Variants in AXDND1 observed in about 807,000 individuals in gnomAD.
The protein encoded by AXDND1 is axonemal dynein light chain domain containing 1.
A neutral mutation model predicts 137.5 loss-of-function variants in AXDND1; 110 were observed. That is an observed-to-expected ratio of 0.80 (90% confidence interval 0.69 to 0.94). The LOEUF is 0.94. Among genes scored for constraint, AXDND1 ranks in the 40% least tolerant of loss-of-function variants. The pLI is 0.00. For synonymous variants in AXDND1, 414 were observed against 399.7 expected (o/e 1.04, Z -0.43); for missense variants, 1,191 against 1,169.8 (o/e 1.02, Z -0.26).
chr1:179,478,901 A>T (rs1664966741), intron 17 of AXDND1, among the ~76,000 whole-genome samples: 1 of 149,806 alleles, frequency 6.7e-6, no homozygotes, highest in African/African-American at 2.5e-5. Context: ...GGAGCTCGAG[A>T]CCAGCTCTGG....
intron 6 of AXDND1, 118 bp downstream of exon 6, chr1:179,379,600 C>T (rs1230044245): frequency 3.1e-6 from 4 of 1,283,112 alleles, no homozygotes; most frequent in Non-Finnish European, 4.2e-6. Context: ...TCAAGACCAG[C>T]CTGGTCAACA....
chr1:179,449,517 A>T (rs1260461564), intron 16 of AXDND1: 1 of 154,300 alleles, frequency 6.5e-6, no homozygotes, highest in Non-Finnish European at 1.4e-5. Context: ...GAAATTCTAT[A>T]TGAATTTTAT....
intron 13 of AXDND1, 106 bp from the exon 14 acceptor site, chr1:179,430,346 T>C (rs1657183450): frequency 2.3e-6 from 2 of 862,030 alleles, no homozygotes; most frequent in Non-Finnish European, 3.4e-6. Flanking sequence ...CAATTTTCTA[T>C]GAATTTCTCT....
intron 16 of AXDND1, among the ~76,000 whole-genome samples, chr1:179,465,291 T>C (rs1257074007): frequency 1.3e-5 from 2 of 152,218 alleles, no homozygotes; most frequent in African/African-American, 4.8e-5. Flanking sequence ...GACGTACAGA[T>C]GTGGTTTTGT....
At chr1:179,396,445 C>T (rs1053204660) in intron 11 of AXDND1, among the ~76,000 whole-genome samples, 18 of 151,900 alleles carry the variant, frequency 1.2e-4, no homozygotes, top group African/African-American at 3.9e-4. Flanking sequence ...GTCAGGAGAT[C>T]GAGACCATCC....
intron 12 of AXDND1, among the ~76,000 whole-genome samples, chr1:179,426,909 C>T (rs1395646663): frequency 6.6e-6 from 1 of 152,194 alleles, no homozygotes; most frequent in Non-Finnish European, 1.5e-5. Flanking sequence ...AGCCTGTAAT[C>T]CCAGCACTTT....
intron 20 of AXDND1, among the ~76,000 whole-genome samples, chr1:179,493,215 G>A (rs893145598): frequency 2.1e-5 from 3 of 145,024 alleles, no homozygotes; most frequent in Non-Finnish European, 3.1e-5. Context: ...TAACACCAAA[G>A]ATTTTTTTTA....
chr1:179,399,833 C>T (rs137855569), intron 11 of AXDND1, among the ~76,000 whole-genome samples: 2 of 152,132 alleles, frequency 1.3e-5, no homozygotes, highest in African/African-American at 4.8e-5. Context: ...AAATGCTCAA[C>T]ATCACTAATG....
chr1:179,477,685 G>A (rs1408501610), intron 17 of AXDND1, among the ~76,000 whole-genome samples: 1 of 152,028 alleles, frequency 6.6e-6, no homozygotes, highest in Non-Finnish European at 1.5e-5. Flanking sequence ...TTTTGCCCCT[G>A]GCCCCTCCCA....
At chr1:179,384,524 A>G (rs954563144) in intron 8 of AXDND1, among the ~76,000 whole-genome samples, 3 of 152,156 alleles carry the variant, frequency 2.0e-5, no homozygotes, top group Admixed American at 6.5e-5. Flanking sequence ...AAGAAATCAC[A>G]TAGTTCTTTT....
chr1:179,494,112 G>A (rs994858345), intron 20 of AXDND1, among the ~76,000 whole-genome samples: 8 of 151,918 alleles, frequency 5.3e-5, no homozygotes, highest in Non-Finnish European at 7.4e-5. Flanking sequence ...CCACTATGCC[G>A]GGCTAATTTT....
chr1:179,418,275 A>G (rs1655018964), intron 12 of AXDND1, among the ~76,000 whole-genome samples: 2 of 152,376 alleles, frequency 1.3e-5, no homozygotes, highest in South Asian at 4.1e-4. Context: ...GAGTGGACAC[A>G]GCACATGTTT....
At chr1:179,461,648 G>A (rs559847356) in intron 16 of AXDND1, among the ~76,000 whole-genome samples, 1 of 152,258 alleles carries the variant, frequency 6.6e-6, no homozygotes, top group East Asian at 1.9e-4. Flanking sequence ...GGGCAGTATG[G>A]CCATTTTCAC....
intron 16 of AXDND1, among the ~76,000 whole-genome samples, chr1:179,447,024 A>G (rs1034936539): frequency 5.9e-5 from 9 of 152,180 alleles, no homozygotes; most frequent in Non-Finnish European, 8.8e-5. Context: ...TGAGGTATCT[A>G]TTATCCTGAG....
At chr1:179,542,852 C>T (rs1250003268) in intron 25 of AXDND1, among the ~76,000 whole-genome samples, 2 of 152,208 alleles carry the variant, frequency 1.3e-5, no homozygotes, top group African/African-American at 4.8e-5. Flanking sequence ...CCCCTCCTTC[C>T]AAAAACCACC....
At position 179,383,522 on chromosome 1, in the gene AXDND1, A is replaced by G; in HGVS notation, c.719A>G (p.Gln240Arg). ...TMLERAGVEN[Q>R]EYTGPTKMHK... is the part of the protein sequence containing the mutation. Reference sequence around the variant, plus strand: ...CTAGAGAGGGCTGGTGTGGAAAATCAGGAATATACAGGACCAACGAAGGTA... The same window carrying G: ...CTAGAGAGGGCTGGTGTGGAAAATCGGGAATATACAGGACCAACGAAGGTA... The change falls in exon 8 of 26, where the codon CAG becomes CGG. Residue 240 changes from glutamine (Q) to arginine (R), a missense_variant. Gln to Arg is a conservative substitution (Grantham distance 43). Transcript: ENST00000367618. 1 of 1,613,640 alleles carries G rather than the reference A, an allele frequency of 6.2e-7. No individual in the cohort carries two copies.
chr1:179,438,748 G>T (rs1253593757), intron 15 of AXDND1, among the ~76,000 whole-genome samples: 2 of 152,126 alleles, frequency 1.3e-5, no homozygotes, highest in African/African-American at 4.8e-5. Flanking sequence ...GATATAACTG[G>T]CAAGATTTGC....
In AXDND1 at chr1:179,509,364, A is replaced by C. The variant is rs778121513; in HGVS notation, c.2457A>C (p.Thr819=). Residue 819 remains threonine, a synonymous_variant, in exon 21 of 26, where the codon ACA becomes ACC. Coordinates refer to ENST00000367618, the MANE Select transcript of AXDND1 (RefSeq NM_144696.6). The part of the protein sequence containing the change: ...LLSNIKGRKI[T]LLTYEEIERL... ...CTAATATCAAAGGCAGAAAAATTAC[A>C]TTATTGACATATGAAGAAATAGAGC... 2 of 1,612,426 alleles carry C rather than the reference A, an allele frequency of 1.2e-6. No homozygotes were observed. The highest frequency in any genetic ancestry group is 3.3e-5 in the Admixed American group (2 of 59,950).
At chr1:179,494,064 TC>T (rs1440193319) in intron 20 of AXDND1, among the ~76,000 whole-genome samples, 1 of 152,026 alleles carries the variant, frequency 6.6e-6, no homozygotes, top group African/African-American at 2.4e-5. Context: ...CAATTCTGCT[TC>T]CTAAGCCTCC....
Sources: allele counts gnomAD v4.1 joint callset (sites outside exome capture counted in the v4.1 genomes callset), GRCh38; gene constraint gnomAD v4.1.1; transcripts MANE v1.5; gene names NCBI Gene and HGNC (gene_info 2026-07-23, HGNC 2026-07-21).